Variants in RAD51B observed in about 807,000 individuals in gnomAD.
RAD51B encodes RAD51 paralog B, also known as DNA repair protein RAD51 homolog 2.
A neutral mutation model predicts 42.2 loss-of-function variants in RAD51B; 38 were observed. The observed-to-expected ratio is 0.90, with a 90% CI of 0.70 to 1.18. The LOEUF is 1.18. Ranked by LOEUF, RAD51B falls within the 50% of genes most tolerant of loss-of-function variation. The pLI, the probability that RAD51B is intolerant of heterozygous loss-of-function variation, is 0.00. For missense variants in RAD51B, 373 were observed against 400.7 expected (o/e 0.93, Z 0.59); for synonymous variants, 154 against 145.2 (o/e 1.06, Z -0.43).
chr14:68,353,535 A>G (rs923159843), intron 8 of RAD51B, among the ~76,000 whole-genome samples: 9 of 152,164 alleles, frequency 5.9e-5, no homozygotes, highest in African/African-American at 2.2e-4. Context: ...CTTTCTCAGT[A>G]ACCAGATCTA....
chr14:68,638,942 G>T (rs1458752589), intron 10 of RAD51B, among the ~76,000 whole-genome samples: 1 of 152,198 alleles, frequency 6.6e-6, no homozygotes, highest in Admixed American at 6.5e-5. Flanking sequence ...AGAAGTGCAA[G>T]AATGTGAGAG....
intron 7 of RAD51B, among the ~76,000 whole-genome samples, chr14:68,238,757 T>G (rs2140997447): frequency 6.6e-6 from 1 of 152,344 alleles, no homozygotes; most frequent in Admixed American, 6.5e-5. Flanking sequence ...ACACCTGCAA[T>G]TAATTCTATC....
intron 7 of RAD51B, among the ~76,000 whole-genome samples, chr14:67,920,658 G>A (rs1718487651): frequency 6.6e-6 from 1 of 152,036 alleles, no homozygotes; most frequent in Admixed American, 6.6e-5. Context: ...GTCACCCAGG[G>A]GTCTGAGAAC....
intron 10 of RAD51B, among the ~76,000 whole-genome samples, chr14:68,584,482 T>C (rs1467468807): frequency 6.6e-6 from 1 of 152,198 alleles, no homozygotes; most frequent in Non-Finnish European, 1.5e-5. Context: ...CATGCTCCCA[T>C]AGCATTGCCC....
intron 7 of RAD51B, among the ~76,000 whole-genome samples, chr14:68,118,493 T>C (rs2077587370): frequency 6.6e-6 from 1 of 152,204 alleles, no homozygotes; most frequent in Non-Finnish European, 1.5e-5. Context: ...ATTCCAAAAA[T>C]ATCTTTGTCT....
intron 7 of RAD51B, among the ~76,000 whole-genome samples, chr14:67,899,270 T>C (rs933584330): frequency 1.4e-4 from 21 of 151,868 alleles, no homozygotes; most frequent in South Asian, 1.2e-3. Flanking sequence ...AGGATGGTCT[T>C]GATCTCCTGA....
intron 10 of RAD51B, among the ~76,000 whole-genome samples, chr14:68,511,272 C>T (rs576180953): frequency 6.6e-5 from 10 of 152,178 alleles, no homozygotes; most frequent in Non-Finnish European, 1.3e-4. Flanking sequence ...CAGGACAGAG[C>T]GCTTCTCTGA....
intron 9 of RAD51B, among the ~76,000 whole-genome samples, chr14:68,444,439 ATTGT>A (rs760446442): frequency 1.2e-5 from 1 of 85,938 alleles, no homozygotes; most frequent in African/African-American, 3.7e-5. Context: ...AGAATTGTGA[ATTGT>A]GTGTGTGTGT....
intron 9 of RAD51B, among the ~76,000 whole-genome samples, chr14:68,427,739 A>T (rs1262065272): frequency 6.6e-6 from 1 of 152,210 alleles, no homozygotes; most frequent in African/African-American, 2.4e-5. Context: ...TGGACTTTTA[A>T]GTTGATGCTA....
chr14:67,835,578 A>G (rs2041213248), intron 4 of RAD51B, among the ~76,000 whole-genome samples: 1 of 75,294 alleles, frequency 1.3e-5, no homozygotes, highest in Admixed American at 1.1e-4. Flanking sequence ...CACATATGTC[A>G]TATATGTAAT....
exon 11 of RAD51B, chr14:68,611,482 G>C: frequency 1.8e-6 from 1 of 551,906 alleles, no homozygotes; most frequent in South Asian, 2.1e-5. Context: ...CTTCTGCAGA[G>C]TGATTAGAGC....
chr14:68,615,498 A>G (rs1220277500), downstream of RAD51B, among the ~76,000 whole-genome samples: 1 of 152,028 alleles, frequency 6.6e-6, no homozygotes, highest in Non-Finnish European at 1.5e-5. Context: ...GGCGTCCACC[A>G]CAACGCCCAG....
At chr14:68,315,584 T>C (rs1010572497) in intron 8 of RAD51B, among the ~76,000 whole-genome samples, 69 of 152,138 alleles carry the variant, frequency 4.5e-4, no homozygotes, top group Admixed American at 7.9e-4. Flanking sequence ...TGCAGTGGCG[T>C]GATCTCTGCT....
chr14:68,138,327 A>G (rs2078053101), intron 7 of RAD51B, among the ~76,000 whole-genome samples: 1 of 152,210 alleles, frequency 6.6e-6, no homozygotes, highest in African/African-American at 2.4e-5. Flanking sequence ...AGTACATTTT[A>G]CCGTTTTGTT....
intron 7 of RAD51B, among the ~76,000 whole-genome samples, chr14:68,155,609 A>T (rs1189034891): frequency 6.6e-6 from 1 of 152,212 alleles, no homozygotes; most frequent in African/African-American, 2.4e-5. Flanking sequence ...AGCACAAAAA[A>T]TACAGAAAAG....
downstream of RAD51B, among the ~76,000 whole-genome samples, chr14:68,611,884 AT>A (rs11305901): frequency 0.13 from 20,137 of 149,218 alleles, 1,456 homozygotes; most frequent in East Asian, 0.22. Context: ...CCAGTGTAAG[AT>A]TTTTTTTTTT....
At chr14:68,541,412 G>A (rs1887959786) in intron 10 of RAD51B, 2 of 985,332 alleles carry the variant, frequency 2.0e-6, no homozygotes. Flanking sequence ...AGTCCTCACA[G>A]AGTGTGTCTG....
intron 5 of RAD51B, among the ~76,000 whole-genome samples, chr14:67,873,560 C>T (rs1401462301): frequency 1.3e-5 from 2 of 151,742 alleles, no homozygotes; most frequent in Non-Finnish European, 2.9e-5. Context: ...ACTAGAAATA[C>T]CATTTGACCC....
In RAD51B at chr14:67,961,604, A is replaced by C. The variant is rs547993305; in HGVS notation, c.756+74400A>C. 5.7e-4 allele frequency among the ~76,000 whole-genome samples: 87 copies of C among 152,340 alleles called. 1 individual carries two copies. The highest frequency in any genetic ancestry group is 1.0e-3 in the South Asian group (5 of 4,826). On this transcript the variant is annotated intron_variant, in intron 7 of 10. Transcript: ENST00000471583. ...TTGGCTGGATATTTCAGTTCTCTGA[A>C]AATGTGTAGCTATCCTGTGAGAAGC...
Sources: gnomAD v4.1 joint callset for allele counts (sites outside exome capture counted in the v4.1 genomes callset) on GRCh38, gnomAD v4.1.1 for gene constraint, MANE v1.5 for transcripts, NCBI Gene and HGNC (gene_info 2026-07-23, HGNC 2026-07-21) for gene names.